The following GRM1 variants were observed in gnomAD, a reference collection of about 807,000 sequenced individuals.
GRM1 encodes glutamate metabotropic receptor 1.
GRM1 carries 33 observed loss-of-function variants against 90.9 expected under a neutral mutation model. The observed-to-expected ratio is 0.36, with a 90% CI of 0.28 to 0.49. The LOEUF (loss-of-function observed/expected upper bound fraction) is 0.49. Among genes scored for constraint, GRM1 ranks in the 20% least tolerant of loss-of-function variants. The pLI is 0.99. For synonymous variants in GRM1, 700 were observed against 613.2 expected, an observed-to-expected ratio of 1.14 and a Z score of -2.09; for missense variants, 1,190 against 1,534.3, an observed-to-expected ratio of 0.78 and a Z score of 3.75.
chr6:146,435,802 G>A lies in GRM1; in HGVS notation c.*1006G>A, dbSNP rs1778577531. ...AAAGAACAAACCATGTGACAAAATT[G>A]TTACCTTCCACTTACTGTAGCAAAT... is the stretch of plus-strand genomic sequence containing the variant. On this transcript the variant is annotated 3_prime_UTR_variant, in exon 8 of 8. Transcript: ENST00000282753. The A allele has an allele frequency of 6.6e-6, 1 of 152,552 alleles. No individual in the cohort carries two copies. Among genetic ancestry groups the A allele is most frequent in the Non-Finnish European group, 1.5e-5 (1 of 68,020 alleles). The allele number at this position is 152,552 out of a possible 1,614,324, so 9.4% of individuals were successfully genotyped here. A position where few individuals can be genotyped will look rare whatever the true frequency, so the allele number is the denominator to read the frequency against.
Position 146,231,957 on chromosome 6 carries a change from C to CA in GRM1, c.950+72361dup, listed in dbSNP as rs1780464915. Among the ~76,000 whole-genome samples, 3 of 152,136 alleles carry CA rather than the reference C, an allele frequency of 2.0e-5. No individual in the cohort carries two copies. In the South Asian group the frequency reaches 6.2e-4, roughly 32 times the overall value. On this transcript the variant is annotated intron_variant, in intron 2 of 7. Transcript: ENST00000282753. Reference sequence around the variant, plus strand: ...GTGAATCAGGGAGTGCTGTCTCCTCCACTACATTCTGGGAAAGTTAGTGTA... The same window carrying CA: ...GTGAATCAGGGAGTGCTGTCTCCTCCAACTACATTCTGGGAAAGTTAGTGTA...
chr6:146,324,705 G>C (rs1286195537), intron 3 of GRM1, among the ~76,000 whole-genome samples: 1 of 152,048 alleles, frequency 6.6e-6, no homozygotes, highest in African/African-American at 2.4e-5. Context: ...GCGCTTCCCA[G>C]GTAAGGCAAT....
At chr6:146,212,249 A>G (rs1369427388) in intron 2 of GRM1, among the ~76,000 whole-genome samples, 3 of 152,234 alleles carry the variant, frequency 2.0e-5, no homozygotes, top group African/African-American at 7.2e-5. Context: ...AGCCTAGCTA[A>G]GTTGACACAT....
chr6:146,081,610 T>C (rs1420342626), intron 1 of GRM1, among the ~76,000 whole-genome samples: 1 of 152,216 alleles, frequency 6.6e-6, no homozygotes, highest in Non-Finnish European at 1.5e-5. Context: ...TGGAAAATCT[T>C]GAGCTTTTGG....
intron 5 of GRM1, among the ~76,000 whole-genome samples, chr6:146,380,345 C>T (rs771771515): frequency 6.6e-6 from 1 of 152,020 alleles, no homozygotes; most frequent in African/African-American, 2.4e-5. Context: ...ACACACTTTC[C>T]CCCTTTCCAA....
rs1790614543 is a variant in GRM1, at chr6:146,029,186, T to C, written c.-332T>C. ...GACAAGGTTGTGATTTTTCTCTGTC[T>C]TTTGTCAGCAGCATCTAGCTCACCG... On this transcript the variant is annotated 5_prime_UTR_variant, in exon 1 of 8. Coordinates refer to ENST00000282753, the MANE Select transcript of GRM1 (RefSeq NM_001278064.2). The C allele has an allele frequency of 7.4e-6, 3 of 404,090 alleles. No homozygotes were observed. Among genetic ancestry groups the C allele is most frequent in the Non-Finnish European group, 1.4e-5 (3 of 215,318 alleles). 25.0% of individuals were successfully genotyped at this position (404,090 alleles called of 1,614,324 possible).
intron 5 of GRM1, among the ~76,000 whole-genome samples, chr6:146,360,489 GA>G (rs1276888940): frequency 1.3e-5 from 2 of 152,194 alleles, no homozygotes; most frequent in Non-Finnish European, 2.9e-5. Flanking sequence ...TTTAATAGAA[GA>G]AAATGGTCAC....
chr6:146,207,960 T>G (rs1421968148), intron 2 of GRM1, among the ~76,000 whole-genome samples: 1 of 152,180 alleles, frequency 6.6e-6, no homozygotes, highest in East Asian at 1.9e-4. Flanking sequence ...TCTAATCAGC[T>G]TCTGAGATTT....
chr6:146,387,033 T>A lies in GRM1; in HGVS notation c.1729+17T>A. On this transcript the variant is annotated intron_variant, in intron 6 of 7. Transcript: ENST00000282753. ...ATCTAACAGGTAGGAACTGCCTCACTTGGAAACCTTGTGCCTCACTATTTG... is the reference window on the plus strand; with the variant it reads ...ATCTAACAGGTAGGAACTGCCTCACATGGAAACCTTGTGCCTCACTATTTG... The A allele has an allele frequency of 1.2e-6, 2 of 1,611,784 alleles. No homozygotes were observed. The highest frequency in any genetic ancestry group is 8.5e-7 in the Non-Finnish European group (1 of 1,178,130).
intron 1 of GRM1, among the ~76,000 whole-genome samples, chr6:146,088,474 C>A (rs1582985807): frequency 6.6e-6 from 1 of 152,214 alleles, no homozygotes; most frequent in East Asian, 1.9e-4. Flanking sequence ...GTGATTGGAG[C>A]TGTAATCCCA....
chr6:146,058,767 T>C (rs547305190), intron 1 of GRM1, among the ~76,000 whole-genome samples: 1 of 152,128 alleles, frequency 6.6e-6, no homozygotes, highest in Non-Finnish European at 1.5e-5. Flanking sequence ...TATGTAATGG[T>C]CTCAATCATT....
intron 2 of GRM1, among the ~76,000 whole-genome samples, chr6:146,275,373 G>A (rs138385867): frequency 2.4e-4 from 36 of 152,226 alleles, no homozygotes; most frequent in African/African-American, 5.5e-4. Flanking sequence ...GCGTGTACAT[G>A]GGACAGTTTG....
intron 1 of GRM1, among the ~76,000 whole-genome samples, chr6:146,071,560 C>T (rs970347612): frequency 1.2e-4 from 18 of 152,120 alleles, no homozygotes; most frequent in African/African-American, 4.3e-4. Context: ...AGCATGGTTT[C>T]TTTAGAAAGC....
intron 2 of GRM1, among the ~76,000 whole-genome samples, chr6:146,247,435 C>G (rs1376771935): frequency 6.6e-6 from 1 of 151,996 alleles, no homozygotes; most frequent in Non-Finnish European, 1.5e-5. Flanking sequence ...TTAGAGGAAT[C>G]AATGTTAAAG....
intron 2 of GRM1, among the ~76,000 whole-genome samples, chr6:146,166,709 C>G (rs1173067409): frequency 6.6e-6 from 1 of 152,010 alleles, no homozygotes; most frequent in Non-Finnish European, 1.5e-5. Context: ...TCTAGAGTTG[C>G]CTGGGGCCTA....
chr6:146,241,710 T>C (rs1056091525), intron 2 of GRM1, among the ~76,000 whole-genome samples: 2 of 152,148 alleles, frequency 1.3e-5, no homozygotes, highest in Non-Finnish European at 2.9e-5. Flanking sequence ...CCTAACTCAG[T>C]TTTTTATTCT....
At chr6:146,295,682 TG>T (rs1438740297) in intron 2 of GRM1, among the ~76,000 whole-genome samples, 1 of 152,216 alleles carries the variant, frequency 6.6e-6, no homozygotes, top group Admixed American at 6.5e-5. Flanking sequence ...TGCTCTAGTC[TG>T]TGTATGTATA....
chr6:146,083,859 G>T (rs1776449792), intron 1 of GRM1, among the ~76,000 whole-genome samples: 1 of 152,100 alleles, frequency 6.6e-6, no homozygotes, highest in African/African-American at 2.4e-5. Context: ...AATCTGTCTG[G>T]TCCCAGGCTT....
chr6:146,373,609 T>C (rs1277551952), intron 5 of GRM1, among the ~76,000 whole-genome samples: 2 of 152,136 alleles, frequency 1.3e-5, no homozygotes, highest in Non-Finnish European at 2.9e-5. Flanking sequence ...AGCCAAACCA[T>C]ATCAGTGTGG....
Sources: allele counts gnomAD v4.1 joint callset (sites outside exome capture counted in the v4.1 genomes callset), GRCh38; gene constraint gnomAD v4.1.1; transcripts MANE v1.5; gene names NCBI Gene and HGNC (gene_info 2026-07-23, HGNC 2026-07-21).